Variants in ENPP6 observed in about 807,000 individuals in gnomAD.
ENPP6 encodes the protein ectonucleotide pyrophosphatase/phosphodiesterase 6.
Under a neutral mutation model 42.0 loss-of-function variants are expected in ENPP6, and 32 were observed. That is an observed-to-expected ratio of 0.76 (90% confidence interval 0.58 to 1.02). The LOEUF is 1.02. Ranked by LOEUF, ENPP6 falls within the 50% of genes least tolerant of loss-of-function variation. ENPP6 has a pLI of 0.00. For missense variants in ENPP6, 552 were observed against 566.8 expected (o/e 0.97, Z 0.27); for synonymous variants, 213 against 216.0 (o/e 0.99, Z 0.12).
At chr4:184,167,748 A>T in intron 1 of ENPP6, among the ~76,000 whole-genome samples, 1 of 152,072 alleles carries the variant, frequency 6.6e-6, no homozygotes. Flanking sequence ...AAGTGAGAGC[A>T]GCCTCTCAAG....
intron 2 of ENPP6, among the ~76,000 whole-genome samples, chr4:184,151,431 T>C (rs4862323): frequency 0.44 from 66,557 of 152,078 alleles, 15,258 homozygotes; most frequent in Non-Finnish European, 0.5. Context: ...TAGGATCTCC[T>C]CCCACTTGGC....
intron 1 of ENPP6, among the ~76,000 whole-genome samples, chr4:184,172,408 T>C (rs1159033783): frequency 6.6e-6 from 1 of 152,124 alleles, no homozygotes; most frequent in African/African-American, 2.4e-5. Context: ...CAAGCCTCCA[T>C]CATCCCCCAG....
intron 3 of ENPP6, among the ~76,000 whole-genome samples, chr4:184,122,517 A>G (rs1166605967): frequency 6.6e-6 from 1 of 151,684 alleles, no homozygotes. Context: ...AGAGCCCAGC[A>G]CTTATTCCCC....
At chr4:184,190,286 T>C (rs902490378) in intron 1 of ENPP6, among the ~76,000 whole-genome samples, 2 of 152,248 alleles carry the variant, frequency 1.3e-5, no homozygotes, top group African/African-American at 4.8e-5. Context: ...GTATGGTGCC[T>C]TCTTGCCCCT....
At chr4:184,113,104 C>A (rs912617524) in intron 5 of ENPP6, among the ~76,000 whole-genome samples, 2 of 152,142 alleles carry the variant, frequency 1.3e-5, no homozygotes, top group Admixed American at 1.3e-4. Flanking sequence ...ATGAACCCTG[C>A]AAACTGGAAC....
Position 184,131,283 on chromosome 4 carries a change from C to CTTT in ENPP6, c.422-7012_422-7011insAAA, listed in dbSNP as rs1736626885. On this transcript the variant is annotated intron_variant, in intron 2 of 7. Transcript: ENST00000296741. ...CTCTTCCTTCCTTCCTTCCTTCCTT[C>CTTT]CTTCCTTCCTTCCTTCCTTCCTTCC... Among the ~76,000 whole-genome samples, 2 of 121,452 alleles carry CTTT rather than the reference C, an allele frequency of 1.6e-5. 1 individual carries two copies. Among genetic ancestry groups the CTTT allele is most frequent in the Middle Eastern group, 8.0e-3 (2 of 250 alleles). 79.7% of individuals were successfully genotyped at this position (121,452 alleles called of 152,430 possible).
intron 2 of ENPP6, among the ~76,000 whole-genome samples, chr4:184,130,988 A>C (rs1224206034): frequency 6.6e-6 from 1 of 152,184 alleles, no homozygotes; most frequent in Non-Finnish European, 1.5e-5. Flanking sequence ...ACATTTCTGT[A>C]CACTTTCTTT....
chr4:184,168,244 G>A (rs1217199661), intron 1 of ENPP6, among the ~76,000 whole-genome samples: 16 of 152,122 alleles, frequency 1.1e-4, no homozygotes, highest in South Asian at 4.1e-4. Context: ...GTGGTTTCAG[G>A]TAGGGAAAGC....
At chr4:184,148,569 A>G (rs949302235) in intron 2 of ENPP6, among the ~76,000 whole-genome samples, 3 of 152,212 alleles carry the variant, frequency 2.0e-5, no homozygotes, top group East Asian at 1.9e-4. Context: ...TGTGGAGACA[A>G]TCTCACTCTT....
chr4:184,111,134 C>T (rs185777654), intron 6 of ENPP6, among the ~76,000 whole-genome samples: 9 of 152,224 alleles, frequency 5.9e-5, no homozygotes, highest in African/African-American at 1.2e-4. Context: ...CCAAGATGCC[C>T]GATCACTTCT....
At chr4:184,162,993 C>T (rs995588238) in intron 1 of ENPP6, among the ~76,000 whole-genome samples, 2 of 152,184 alleles carry the variant, frequency 1.3e-5, no homozygotes, top group Non-Finnish European at 2.9e-5. Context: ...AGCCACTGTC[C>T]TAGAGGCCAT....
chr4:184,164,946 C>G (rs1737325101), intron 1 of ENPP6, among the ~76,000 whole-genome samples: 2 of 152,162 alleles, frequency 1.3e-5, no homozygotes, highest in South Asian at 2.1e-4. Flanking sequence ...ACCAGCACTC[C>G]ACGCGATTCC....
rs143581974 is a variant in ENPP6, at chr4:184,116,209, C to G, written c.855+647G>C. On this transcript the variant is annotated intron_variant, in intron 5 of 7. Coordinates refer to ENST00000296741, the MANE Select transcript of ENPP6 (RefSeq NM_153343.4). Reference sequence around the variant, plus strand: ...CTGCACTCCAGCCTGGGCGACAGAGCGAGACTCCGTCTCAAAAAACAAACA... The same window carrying G: ...CTGCACTCCAGCCTGGGCGACAGAGGGAGACTCCGTCTCAAAAAACAAACA... Among the ~76,000 whole-genome samples, 1,272 of 151,340 alleles carry G rather than the reference C, an allele frequency of 8.4e-3. 22 individuals carry two copies. Among genetic ancestry groups the G allele is most frequent in the African/African-American group, 0.029 (1,178 of 41,222 alleles).
intron 1 of ENPP6, among the ~76,000 whole-genome samples, chr4:184,195,076 T>C (rs1732773571): frequency 6.6e-6 from 1 of 152,186 alleles, no homozygotes. Context: ...ATTTGGACCA[T>C]TTTTAAAAAT....
At chr4:184,152,642 T>G (rs879574795) in intron 2 of ENPP6, among the ~76,000 whole-genome samples, 3 of 152,162 alleles carry the variant, frequency 2.0e-5, no homozygotes, top group East Asian at 1.9e-4. Flanking sequence ...ACCTAAATAA[T>G]GAATCCCACC....
intron 2 of ENPP6, among the ~76,000 whole-genome samples, chr4:184,128,167 T>C (rs547976046): frequency 1.4e-4 from 22 of 152,304 alleles, no homozygotes; most frequent in Middle Eastern, 3.4e-3. Context: ...ACTTCAAAAT[T>C]ATTGTGAATA....
intron 5 of ENPP6, among the ~76,000 whole-genome samples, chr4:184,114,108 G>A (rs1021955391): frequency 6.6e-6 from 1 of 152,084 alleles, no homozygotes; most frequent in Non-Finnish European, 1.5e-5. Context: ...TGGAACTACA[G>A]GCACCCACTG....
intron 5 of ENPP6, 146 bp from the exon 6 acceptor site, chr4:184,112,955 A>G: frequency 1.0e-6 from 1 of 981,936 alleles, no homozygotes; most frequent in East Asian, 2.8e-5. Context: ...GTAAAAACAA[A>G]AAACTTTTGT....
At chr4:184,171,815 G>A (rs1304521000) in intron 1 of ENPP6, among the ~76,000 whole-genome samples, 2 of 151,530 alleles carry the variant, frequency 1.3e-5, no homozygotes, top group African/African-American at 2.4e-5. Flanking sequence ...CAGTGTATCC[G>A]GCACGATTCG....
Sources: allele counts gnomAD v4.1 joint callset (sites outside exome capture counted in the v4.1 genomes callset), GRCh38; gene constraint gnomAD v4.1.1; transcripts MANE v1.5; gene names NCBI Gene and HGNC (gene_info 2026-07-23, HGNC 2026-07-21).